Variants in TGDS observed in about 807,000 individuals in gnomAD.
TGDS encodes the protein UDP-D-glucose 4,6-dehydratase.
TGDS carries 47 observed loss-of-function variants against 52.3 expected under a neutral mutation model. That is an observed-to-expected ratio of 0.90 (90% CI 0.71 to 1.15). The LOEUF (loss-of-function observed/expected upper bound fraction) is 1.15. TGDS is among the 50% of genes most tolerant of loss of function. TGDS has a pLI of 0.00. For synonymous variants in TGDS, 115 were observed against 136.9 expected, an observed-to-expected ratio of 0.84 and a Z score of 1.12; for missense variants, 375 against 418.4, an observed-to-expected ratio of 0.90 and a Z score of 0.90.
rs1889172157 is a variant in TGDS at position 94,590,843 on chromosome 13, C to A, written c.313+10G>T. Reference sequence around the variant, plus strand: ...TGCCAATCATAACTGTAACATAAAACAATGCTTACCTACATGTGTTTGTGC... The same window carrying A: ...TGCCAATCATAACTGTAACATAAAAAAATGCTTACCTACATGTGTTTGTGC... On this transcript the variant is annotated intron_variant, in intron 4 of 11. Coordinates refer to ENST00000261296, the MANE Select transcript of TGDS (RefSeq NM_014305.4). 6.4e-7 allele frequency: 1 copy of A among 1,552,728 alleles called. No homozygotes were observed. The highest frequency in any genetic ancestry group is 1.4e-5 in the African/African-American group (1 of 70,738).
Position 94,577,410 on chromosome 13 carries a change from T to A in TGDS, c.845A>T (p.Glu282Val). The A allele has an allele frequency of 6.3e-7, 1 of 1,576,346 alleles. No homozygotes were observed. The highest frequency in any genetic ancestry group is 1.2e-5 in the South Asian group (1 of 84,008). ...ATCAACCCAATTTTCCATTTCAGACTCTGAATTGGTCTCTTTGATCTGTCA... is the reference window on the plus strand; with the variant it reads ...ATCAACCCAATTTTCCATTTCAGACACTGAATTGGTCTCTTTGATCTGTCA... ...LIQLIKETNS[E>V]SEMENWVDYV... Residue 282 changes from glutamate to valine, a missense_variant, in exon 10 of 12, where the codon GAG (glutamate) becomes GTG (valine). Physicochemically the swap from Glu to Val is moderately radical, Grantham distance 121 (BLOSUM62 -2). Coordinates refer to ENST00000261296, the MANE Select transcript of TGDS (RefSeq NM_014305.4).
At chr13:94,588,681 C>T (rs966919936) in intron 4 of TGDS, among the ~76,000 whole-genome samples, 4 of 152,072 alleles carry the variant, frequency 2.6e-5, no homozygotes, top group Non-Finnish European at 5.9e-5. Context: ...AATAAAACCA[C>T]AAAATTGACA....
At chr13:94,595,959 G>A in intron 1 of TGDS, 92 bp downstream of exon 1, 1 of 1,482,176 alleles carries the variant, frequency 6.7e-7, no homozygotes, top group Non-Finnish European at 9.4e-7. Context: ...ACCCCTCAAA[G>A]CTGGACCCAA....
At chr13:94,595,992 G>A in intron 1 of TGDS, 59 bp downstream of exon 1, 1 of 1,600,530 alleles carries the variant, frequency 6.2e-7, no homozygotes. Flanking sequence ...AAGCAGAGCT[G>A]CGGGAAAAGG....
intron 4 of TGDS, among the ~76,000 whole-genome samples, chr13:94,588,143 C>G (rs1340527345): frequency 6.6e-6 from 1 of 151,512 alleles, no homozygotes; most frequent in Non-Finnish European, 1.5e-5. Context: ...TGGTGGCTCA[C>G]GCCTGTAATC....
chr13:94,582,985 G>A (rs1267304613), intron 5 of TGDS, 109 bp downstream of exon 5: 5 of 1,168,124 alleles, frequency 4.3e-6, no homozygotes, highest in Non-Finnish European at 6.1e-6. Flanking sequence ...ACTCTGAAGA[G>A]TGCCACAAGT....
chr13:94,581,480 A>C (rs1174526100), intron 5 of TGDS, among the ~76,000 whole-genome samples: 1 of 152,204 alleles, frequency 6.6e-6, no homozygotes, highest in Non-Finnish European at 1.5e-5. Context: ...GAGGTCAGAA[A>C]GCTAGAGGAA....
intron 10 of TGDS, among the ~76,000 whole-genome samples, chr13:94,576,992 T>G (rs1175489105): frequency 2.0e-5 from 3 of 151,678 alleles, no homozygotes; most frequent in Non-Finnish European, 4.4e-5. Flanking sequence ...TCCCAGCTAC[T>G]CGGGAGGCTG....
At chr13:94,587,101 T>C (rs964966946) in intron 4 of TGDS, among the ~76,000 whole-genome samples, 6 of 152,120 alleles carry the variant, frequency 3.9e-5, no homozygotes, top group Admixed American at 2.0e-4. Flanking sequence ...AAAAAATACA[T>C]ATGAAAACCT....
rs1280576987 is a variant in TGDS, at chr13:94,574,056, T to C, written c.*726A>G. On this transcript the variant is annotated 3_prime_UTR_variant, in exon 12 of 12. Transcript: ENST00000261296. Reference sequence around the variant, plus strand: ...AGGGCAAAGAAGGATTAAAAATATATAATCAAATTTTTTTTTATTTTTCTA... The same window carrying C: ...AGGGCAAAGAAGGATTAAAAATATACAATCAAATTTTTTTTTATTTTTCTA... 1 of 152,160 alleles carries C rather than the reference T, an allele frequency of 6.6e-6. No individual in the cohort carries two copies. The highest frequency in any genetic ancestry group is 1.5e-5 in the Non-Finnish European group (1 of 68,028). 9.4% of individuals were successfully genotyped at this position (152,160 alleles called of 1,614,324 possible). A position where few individuals can be genotyped will look rare whatever the true frequency, so the allele number is the denominator to read the frequency against.
At chr13:94,591,547 C>G (rs567691529) in intron 3 of TGDS, among the ~76,000 whole-genome samples, 1 of 152,272 alleles carries the variant, frequency 6.6e-6, no homozygotes, top group South Asian at 2.1e-4. Flanking sequence ...GAGCTGAGAT[C>G]ACGCCACTGC....
In TGDS at chr13:94,579,207, C is replaced by T. The variant is rs1023860534; in HGVS notation, c.616-434G>A. 4 of 153,644 alleles carry T rather than the reference C, an allele frequency of 2.6e-5. No individual in the cohort carries two copies. The Admixed American group carries it at 2.6e-4, about 10-fold the overall frequency. 9.5% of individuals were successfully genotyped at this position (153,644 alleles called of 1,614,324 possible). On this transcript the variant is annotated intron_variant, in intron 7 of 11. Coordinates refer to ENST00000261296, the MANE Select transcript of TGDS (RefSeq NM_014305.4). ...AAATTAAGCAAAGTAAATATTAATA[C>T]CTGCAGGTCATGACATGGCCCTTTC...
intron 5 of TGDS, among the ~76,000 whole-genome samples, 153 bp downstream of exon 5, chr13:94,582,941 C>T (rs867900548): frequency 3.3e-5 from 5 of 152,138 alleles, no homozygotes; most frequent in Non-Finnish European, 2.9e-5. Flanking sequence ...TATATCTATT[C>T]TATTAGTTGT....
intron 4 of TGDS, among the ~76,000 whole-genome samples, chr13:94,584,157 T>C (rs566675713): frequency 2.6e-5 from 4 of 152,352 alleles, no homozygotes; most frequent in African/African-American, 4.8e-5. Context: ...TCAAATTACA[T>C]AGGCATTTCC....
intron 4 of TGDS, among the ~76,000 whole-genome samples, chr13:94,584,573 A>G (rs2139527896): frequency 6.6e-6 from 1 of 152,360 alleles, no homozygotes; most frequent in Middle Eastern, 3.4e-3. Context: ...GTTAACTGAA[A>G]AAGCCTTGAC....
chr13:94,583,113 T>C lies in TGDS; in HGVS notation c.437A>G (p.Tyr146Cys). ...KFIYVSTDEV[Y>C]GGSLDKEFDE... ...GCTCACCTTATCAAGACTGCCACCA[T>C]ATACTTCATCTGTGCTGACATAAAT... is the stretch of plus-strand genomic sequence containing the variant. Residue 146 changes from tyrosine (Y) to cysteine (C), a missense_variant, in exon 5 of 12, where the codon TAT becomes TGT. By Grantham distance (194) the Tyr-to-Cys change is radical. Transcript: ENST00000261296. The C allele has an allele frequency of 6.2e-7, 1 of 1,613,828 alleles. No individual in the cohort carries two copies. The highest frequency in any genetic ancestry group is 8.5e-7 in the Non-Finnish European group (1 of 1,179,916).
At chr13:94,580,564 A>G (rs1210257950) in intron 6 of TGDS, among the ~76,000 whole-genome samples, 3 of 152,208 alleles carry the variant, frequency 2.0e-5, no homozygotes, top group Non-Finnish European at 4.4e-5. Context: ...CACAAAAGCC[A>G]AATCATGCAG....
chr13:94,579,901 G>T lies in TGDS; in HGVS notation c.608C>A (p.Pro203Gln). 6.3e-7 allele frequency: 1 copy of T among 1,586,302 alleles called. No individual in the cohort carries two copies. The change falls in exon 7 of 12, where the codon CCA (proline) becomes CAA (glutamine). Residue 203 changes from proline (P) to glutamine (Q), a missense_variant. Pro to Gln is a moderately conservative substitution (Grantham distance 76). Transcript: ENST00000261296. The part of the protein sequence containing the change: ...SSNVYGPHQY[P>Q]EKVIPKFISL... ...TTAAGAAGTAAAATTTACCTTTTCT[G>T]GATATTGATGTGGTCCATAAACATT...
intron 4 of TGDS, among the ~76,000 whole-genome samples, chr13:94,587,719 C>T (rs547753751): frequency 7.0e-4 from 107 of 152,060 alleles, no homozygotes; most frequent in African/African-American, 2.4e-3. Context: ...AAGACAGAGC[C>T]GGGTGCGGTG....
Sources: allele counts gnomAD v4.1 joint callset (sites outside exome capture counted in the v4.1 genomes callset), GRCh38; gene constraint gnomAD v4.1.1; transcripts MANE v1.5; gene names NCBI Gene and HGNC (gene_info 2026-07-23, HGNC 2026-07-21).